Variants in ZNF559 observed in about 807,000 individuals in gnomAD.
ZNF559 encodes zinc finger protein 559, also known as putative protein product of Nbla00121.
Under a neutral mutation model 14.2 loss-of-function variants are expected in ZNF559, and 17 were observed. The ratio of observed to expected loss-of-function variants is 1.20; its 90% CI spans 0.82 to 1.80. The LOEUF is 1.80. ZNF559 is among the 40% of genes most tolerant of loss of function. ZNF559 has a pLI of 0.00. For missense variants in ZNF559, 740 were observed against 629.7 expected (o/e 1.18, Z -1.88); for synonymous variants, 244 against 212.4 (o/e 1.15, Z -1.29).
chr19:9,338,375 A>G, intron 3 of ZNF559, 119 bp from the exon 4 acceptor site: 1 of 708,574 alleles, frequency 1.4e-6, no homozygotes, highest in Non-Finnish European at 2.3e-6. Context: ...CAGGCTGCTC[A>G]GGCATTTTAT....
At chr19:9,340,977 A>C in intron 5 of ZNF559, 125 bp from the exon 6 acceptor site, 1 of 772,432 alleles carries the variant, frequency 1.3e-6, no homozygotes, top group South Asian at 1.7e-5. Flanking sequence ...CCCGTTCTTT[A>C]AAAAAACAAA....
At chr19:9,339,697 T>G (rs1363089454) in intron 5 of ZNF559, among the ~76,000 whole-genome samples, 1 of 152,114 alleles carries the variant, frequency 6.6e-6, no homozygotes, top group Non-Finnish European at 1.5e-5. Context: ...CTGAGAGGGT[T>G]CAGAATGCCC....
rs2067706748 is a variant in ZNF559 at position 9,345,411 on chromosome 19, C to T, written c.*2343C>T. 1.3e-5 allele frequency: 2 copies of T among 152,266 alleles called. No homozygotes were observed. The highest frequency in any genetic ancestry group is 1.9e-4 in the East Asian group (1 of 5,182). The allele number at this position is 152,266 out of a possible 1,614,324, so 9.4% of individuals were successfully genotyped here. A position where few individuals can be genotyped will look rare whatever the true frequency, so the allele number is the denominator to read the frequency against. On this transcript the variant is annotated 3_prime_UTR_variant, in exon 7 of 7. Transcript: ENST00000603380. ...AAGTAGTTATGCCATTTGACATTTC[C>T]ATGAGCAGTATATAAGAGTTGCAAT...
intron 2 of ZNF559, among the ~76,000 whole-genome samples, chr19:9,333,907 A>G (rs2067080629): frequency 6.6e-6 from 1 of 152,244 alleles, no homozygotes; most frequent in South Asian, 2.1e-4. Flanking sequence ...TGAAGTTTTT[A>G]TCCTCATCAA....
rs781004256 is a variant in ZNF559, at chr19:9,342,271, T to G, written c.820T>G (p.Phe274Val). ...SRVLPIEHKK[F>V]GKAFAFSPDL... ...AGTGTTACCTATAGAACATAAGAAATTTGGCAAAGCCTTTGCTTTTTCCCC... is the reference window on the plus strand; with the variant it reads ...AGTGTTACCTATAGAACATAAGAAAGTTGGCAAAGCCTTTGCTTTTTCCCC... The change falls in exon 7 of 7, where the codon TTT (phenylalanine) becomes GTT (valine). Residue 274 changes from phenylalanine to valine, a missense_variant. By Grantham distance (50) the Phe-to-Val change is conservative. Transcript: ENST00000603380. 2 of 1,584,308 alleles carry G rather than the reference T, an allele frequency of 1.3e-6. No homozygotes were observed. The highest frequency in any genetic ancestry group is 3.8e-5 in the Admixed American group (2 of 52,892).
chr19:9,342,581 G>T lies in ZNF559; in HGVS notation c.1130G>T (p.Gly377Val). The change falls in exon 7 of 7, where the codon GGT becomes GTT. Residue 377 changes from glycine to valine, a missense_variant. Transcript: ENST00000603380. ...ACTGTACATATGAGAACTCACACTG[G>T]TGAGAAGCCTTATCAATGTAAGGAA... ...HLTVHMRTHTGEKPYQCKECG... is the reference protein window; with the variant it reads ...HLTVHMRTHTVEKPYQCKECG... 1 of 1,614,046 alleles carries T rather than the reference G, an allele frequency of 6.2e-7. No individual in the cohort carries two copies. The highest frequency in any genetic ancestry group is 8.5e-7 in the Non-Finnish European group (1 of 1,179,994).
At position 9,342,730 on chromosome 19, in the gene ZNF559, C is replaced by T; in HGVS notation, c.1279C>T (p.His427Tyr). 6.2e-7 allele frequency: 1 copy of T among 1,614,066 alleles called. No homozygotes were observed. Among genetic ancestry groups the T allele is most frequent in the East Asian group, 2.2e-5 (1 of 44,898 alleles). The change falls in exon 7 of 7, where the codon CAT (histidine) becomes TAT (tyrosine). Residue 427 changes from histidine to tyrosine, a missense_variant. Transcript: ENST00000603380. ...CATTCGATCCTCATTTCTTATTCGA[C>T]ATTTGAGAAGTCACAGTGCAGAAAG... ...AFIRSSFLIR[H>Y]LRSHSAERPF...
At chr19:9,324,100 T>A (rs905903238), upstream of ZNF559, 14 of 1,495,974 alleles carry the variant, frequency 9.4e-6, no homozygotes, top group African/African-American at 1.4e-5. Context: ...CCGCAGCAGC[T>A]GATGGGCCCG....
intron 5 of ZNF559, 54 bp from the exon 6 acceptor site, chr19:9,341,048 T>C: frequency 5.6e-6 from 8 of 1,428,768 alleles, no homozygotes; most frequent in South Asian, 1.2e-5. Flanking sequence ...TTTAACACCC[T>C]TTTTAAAATC....
chr19:9,329,378 C>T (rs1312616229), intron 2 of ZNF559, among the ~76,000 whole-genome samples: 1 of 152,048 alleles, frequency 6.6e-6, no homozygotes, highest in Non-Finnish European at 1.5e-5. Context: ...TTTCTTCTTT[C>T]AGATCCATTA....
At chr19:9,325,907 CCT>C (rs377528705) in intron 2 of ZNF559, among the ~76,000 whole-genome samples, 33 of 152,162 alleles carry the variant, frequency 2.2e-4, no homozygotes, top group African/African-American at 7.2e-4. Flanking sequence ...TGAACTTTCC[CCT>C]TTTAAGCGTG....
Position 9,339,256 on chromosome 19 carries a change from C to T in ZNF559, c.97C>T (p.Gln33Ter). The part of the protein sequence containing the change: ...FTQEEWTLLD[Q>*]TQRNLYRDVM... Reference sequence around the variant, plus strand: ...CCAGGAGGAGTGGACTTTGCTGGATCAAACTCAGAGAAACTTATACAGAGA... The same window carrying T: ...CCAGGAGGAGTGGACTTTGCTGGATTAAACTCAGAGAAACTTATACAGAGA... The change falls in exon 5 of 7, where the codon CAA (glutamine) becomes TAA (stop). Residue 33 changes from glutamine (Q) to a stop codon, truncating the protein, a stop_gained. Transcript: ENST00000603380. LOFTEE classifies it high-confidence loss of function. The T allele has an allele frequency of 1.9e-6, 3 of 1,613,956 alleles. No individual in the cohort carries two copies. Among genetic ancestry groups the T allele is most frequent in the Non-Finnish European group, 2.5e-6 (3 of 1,179,958 alleles).
intron 2 of ZNF559, among the ~76,000 whole-genome samples, chr19:9,335,085 G>A (rs1388941664): frequency 6.7e-6 from 1 of 150,116 alleles, no homozygotes; most frequent in African/African-American, 2.5e-5. Context: ...GCAGTGAGCC[G>A]AGATCATGCC....
intron 2 of ZNF559, among the ~76,000 whole-genome samples, chr19:9,330,909 G>T (rs1456330692): frequency 2.0e-5 from 3 of 152,142 alleles, no homozygotes; most frequent in Non-Finnish European, 4.4e-5. Context: ...GAAGTAGTAG[G>T]TATTTCTCTC....
intron 2 of ZNF559, among the ~76,000 whole-genome samples, chr19:9,325,620 G>A (rs1003813893): frequency 6.6e-6 from 1 of 151,880 alleles, no homozygotes; most frequent in African/African-American, 2.4e-5. Flanking sequence ...GTGAAACCCC[G>A]TCTTTACTCA....
At chr19:9,335,252 C>T (rs564176579) in intron 2 of ZNF559, among the ~76,000 whole-genome samples, 3 of 151,880 alleles carry the variant, frequency 2.0e-5, no homozygotes, top group South Asian at 2.1e-4. Flanking sequence ...GCCTTTCCAA[C>T]ATTGCGAGGA....
rs962967919 is a variant in ZNF559 at position 9,339,293 on chromosome 19, A to G, written c.134A>G (p.Glu45Gly). The G allele has an allele frequency of 1.2e-6, 2 of 1,613,620 alleles. No individual in the cohort carries two copies. Among genetic ancestry groups the G allele is most frequent in the Non-Finnish European group, 1.7e-6 (2 of 1,179,736 alleles). Residue 45 changes from glutamate to glycine, a missense_variant, in exon 5 of 7, where the codon GAG (glutamate) becomes GGG (glycine). By Grantham distance (98) the Glu-to-Gly change is moderately conservative. Transcript: ENST00000603380. ...AACTTATACAGAGATGTGATGCTGG[A>G]GAACTATAAGAATCTAGTTGCAGTA... ...QRNLYRDVML[E>G]NYKNLVAVDW... is the part of the protein sequence containing the mutation.
In ZNF559 at chr19:9,342,282, C is replaced by G; in HGVS notation, c.831C>G (p.Ala277=). 1.9e-6 allele frequency: 3 copies of G among 1,586,862 alleles called. No individual in the cohort carries two copies. Among genetic ancestry groups the G allele is most frequent in the African/African-American group, 2.7e-5 (2 of 73,462 alleles). The change falls in exon 7 of 7, where the codon GCC becomes GCG. Residue 277 remains alanine, a synonymous_variant. Coordinates refer to ENST00000603380, the MANE Select transcript of ZNF559 (RefSeq NM_032497.3). ...LPIEHKKFGK[A]FAFSPDLAKH... The stretch of plus-strand genomic sequence containing the variant: ...TAGAACATAAGAAATTTGGCAAAGC[C>G]TTTGCTTTTTCCCCAGATCTTGCTA...
chr19:9,341,077 TA>T lies in ZNF559; in HGVS notation c.161-21del, dbSNP rs752563040. On this transcript the variant is annotated intron_variant, in intron 5 of 6. Transcript: ENST00000603380. ...TAAAATCATTATTTCTCTAAGAACT[TA>T]AAATTTTTTTCATCTTATTTCAGAT... 10 of 1,570,590 alleles carry T rather than the reference TA, an allele frequency of 6.4e-6. No individual in the cohort carries two copies. The South Asian group carries it at 1.2e-4, about 18-fold the overall frequency.
Sources: allele counts gnomAD v4.1 joint callset (sites outside exome capture counted in the v4.1 genomes callset), GRCh38; gene constraint gnomAD v4.1.1; transcripts MANE v1.5; gene names NCBI Gene and HGNC (gene_info 2026-07-23, HGNC 2026-07-21).